Variants in VSIG4 observed in about 807,000 individuals in gnomAD.
VSIG4 encodes V-set and immunoglobulin domain-containing protein 4.
VSIG4 carries 34 observed loss-of-function variants against 23.4 expected under a neutral mutation model. The ratio of observed to expected loss-of-function variants is 1.45; its 90% confidence interval spans 1.10 to 1.93. The LOEUF is 1.93. Ranked by LOEUF, VSIG4 falls within the 30% of genes most tolerant of loss-of-function variation. The pLI, the probability that VSIG4 is intolerant of heterozygous loss-of-function variation, is 0.00. For missense variants in VSIG4, 433 were observed against 310.8 expected (o/e 1.39, Z -2.96); for synonymous variants, 169 against 120.3 (o/e 1.41, Z -2.65).
chrX:66,028,008 T>C, intron 4 of VSIG4, 42 bp downstream of exon 4: 1 of 1,158,484 alleles, frequency 8.6e-7, no homozygotes, highest in Non-Finnish European at 1.2e-6. Context: ...GATGACACCA[T>C]TTTGAACCTC....
intron 1 of VSIG4, among the ~76,000 whole-genome samples, chrX:66,038,206 G>A (rs1368206736): frequency 9.0e-6 from 1 of 111,338 alleles, no homozygotes; most frequent in African/African-American, 3.3e-5. Flanking sequence ...GCTTACTCTG[G>A]CCGCTACAGG....
intron 6 of VSIG4, 56 bp from the exon 7 acceptor site, chrX:66,022,918 A>C: frequency 2.6e-6 from 3 of 1,151,036 alleles, no homozygotes; most frequent in Non-Finnish European, 3.6e-6. Context: ...GACAAAGGTC[A>C]ATCATGGATC....
Position 66,021,931 on chromosome X carries a change from T to A in VSIG4, c.*332A>T, listed in dbSNP as rs946222299. ...GGCAGAGCTGAGCCTCCCTCGGGTC[T>A]TCTGGTGGCAAGATGCCAAAGTTGA... On this transcript the variant is annotated 3_prime_UTR_variant, in exon 8 of 8. Coordinates refer to ENST00000374737, the MANE Select transcript of VSIG4 (RefSeq NM_007268.3). The A allele has an allele frequency of 1.3e-5, 8 of 616,557 alleles. No homozygotes were observed. The East Asian group carries it at 3.9e-4, about 30-fold the overall frequency. The allele number at this position is 616,557 out of a possible 1,213,427, so 50.8% of individuals were successfully genotyped here. A position where few individuals can be genotyped will look rare whatever the true frequency, so the allele number is the denominator to read the frequency against.
intron 6 of VSIG4, among the ~76,000 whole-genome samples, chrX:66,023,386 T>C (rs2147653326): frequency 8.9e-6 from 1 of 111,947 alleles, no homozygotes; most frequent in Non-Finnish European, 1.9e-5. Context: ...TGTCCTATAT[T>C]CCGTACAGGC....
intron 1 of VSIG4, among the ~76,000 whole-genome samples, chrX:66,038,360 A>G (rs757927940): frequency 2.2e-4 from 24 of 110,337 alleles, no homozygotes; most frequent in African/African-American, 7.9e-4. Flanking sequence ...GCAGCTCAGC[A>G]TAACCTGAGC....
chrX:66,022,898 A>G (rs1470585601), intron 6 of VSIG4, 36 bp from the exon 7 acceptor site: 6 of 1,197,603 alleles, frequency 5.0e-6, no homozygotes, highest in Non-Finnish European at 5.7e-6. Context: ...AGAAGTTTTC[A>G]TGGCAAGTGG....
At chrX:66,034,317 G>A (rs1387272301) in intron 1 of VSIG4, among the ~76,000 whole-genome samples, 2 of 111,979 alleles carry the variant, frequency 1.8e-5, no homozygotes, top group African/African-American at 6.5e-5. Flanking sequence ...GAGAAAGGTG[G>A]AGGCTTTTGA....
intron 1 of VSIG4, among the ~76,000 whole-genome samples, chrX:66,035,549 T>C (rs866399324): frequency 9.0e-6 from 1 of 111,411 alleles, no homozygotes; most frequent in Non-Finnish European, 1.9e-5. Flanking sequence ...AGAAGTTATG[T>C]AATTATAGGT....
intron 7 of VSIG4, 45 bp from the exon 8 acceptor site, chrX:66,022,545 G>T: frequency 8.4e-7 from 1 of 1,193,784 alleles, no homozygotes; most frequent in South Asian, 1.8e-5. Context: ...ACTTGGGGCT[G>T]TGGTCCTGGT....
chrX:66,032,445 C>T (rs1313041293), intron 3 of VSIG4, 23 bp downstream of exon 3: 1 of 1,199,525 alleles, frequency 8.3e-7, no homozygotes, highest in Non-Finnish European at 1.1e-6. Flanking sequence ...TTAAGATGCT[C>T]ACCAGGAAAG....
rs148085028 is a variant in VSIG4 at position 66,023,282 on chromosome X, C to T, written c.941-420G>A. Among the ~76,000 whole-genome samples, 873 of 110,304 alleles carry T rather than the reference C, an allele frequency of 7.9e-3. 16 individuals carry two copies. The highest frequency in any genetic ancestry group is 0.027 in the African/African-American group (814 of 30,173). On this transcript the variant is annotated intron_variant, in intron 6 of 7. Coordinates refer to ENST00000374737, the MANE Select transcript of VSIG4 (RefSeq NM_007268.3). ...TTAGCCTGATGCTGATGGCCGTGAC[C>T]CAAGACATTCCCAAATGCACTCACC... is the stretch of plus-strand genomic sequence containing the variant.
intron 5 of VSIG4, among the ~76,000 whole-genome samples, chrX:66,026,654 G>T (rs1364049324): frequency 1.8e-5 from 2 of 112,265 alleles, no homozygotes; most frequent in African/African-American, 3.2e-5. Context: ...GCATTTGGAA[G>T]TCCACTCTCT....
At position 66,028,049 on chromosome X, in the gene VSIG4, C is replaced by G. The variant is rs2085413523; in HGVS notation, c.757+1G>C. The G allele has an allele frequency of 8.3e-7, 1 of 1,208,137 alleles. No homozygotes were observed. Among genetic ancestry groups the G allele is most frequent in the South Asian group, 1.8e-5 (1 of 56,772 alleles). ...CTTCCTCAGACTCTAGCAAAACTCA[C>G]CTTTCAAGGGGTATGTCATGGTTGT... On this transcript the variant is annotated splice_donor_variant, in intron 4 of 7. Transcript: ENST00000374737. LOFTEE classifies it high-confidence loss of function.
chrX:66,037,470 TATA>T (rs1290531966), intron 1 of VSIG4, among the ~76,000 whole-genome samples: 1 of 62,823 alleles, frequency 1.6e-5, no homozygotes, highest in Admixed American at 3.0e-4. Context: ...ATATAATATA[TATA>T]ATAATTATAT....
At chrX:66,025,741 G>GT (rs2085382664) in intron 5 of VSIG4, among the ~76,000 whole-genome samples, 1 of 112,213 alleles carries the variant, frequency 8.9e-6, no homozygotes, top group Admixed American at 9.5e-5. Context: ...GAACCTGTCA[G>GT]TATGTTAGTT....
At position 66,027,619 on chromosome X, in the gene VSIG4, G is replaced by A. The variant is rs781434692; in HGVS notation, c.758-93C>T. On this transcript the variant is annotated intron_variant, in intron 4 of 7. Coordinates refer to ENST00000374737, the MANE Select transcript of VSIG4 (RefSeq NM_007268.3). ...TTGCAAAGGTTGGAGTCCTTCCCTG[G>A]CCATTTGTGCTGTACTTTCCAGGGT... 2.2e-5 allele frequency: 15 copies of A among 684,603 alleles called. No homozygotes were observed. The East Asian group carries it at 4.6e-4, about 21-fold the overall frequency. The allele number at this position is 684,603 out of a possible 1,213,427, so 56.4% of individuals were successfully genotyped here.
At position 66,030,244 on chromosome X, in the gene VSIG4, T is replaced by A. The variant is rs983815423; in HGVS notation, c.695-2132A>T. On this transcript the variant is annotated intron_variant, in intron 3 of 7. Transcript: ENST00000374737. ...TGGGATTTGGTGATATGGAGGTTAA[T>A]GATGACCCCAAATTACAAAGTTATG... Among the ~76,000 whole-genome samples, 3 of 111,161 alleles carry A rather than the reference T, an allele frequency of 2.7e-5. No homozygotes were observed. In the East Asian group the frequency reaches 8.5e-4, roughly 31 times the overall value.
Position 66,028,558 on chromosome X carries a change from C to CTTTTTTTTTTTTTT in VSIG4, c.695-460_695-447dup, listed in dbSNP as rs34660062. Among the ~76,000 whole-genome samples the CTTTTTTTTTTTTTT allele has an allele frequency of 2.7e-5, 2 of 74,254 alleles. 1 individual carries two copies. The highest frequency in any genetic ancestry group is 5.2e-5 in the Non-Finnish European group (2 of 38,580). 64.5% of individuals were successfully genotyped at this position (74,254 alleles called of 115,157 possible). A position where few individuals can be genotyped will look rare whatever the true frequency, so the allele number is the denominator to read the frequency against. The stretch of plus-strand genomic sequence containing the variant: ...ATAATGCAAAATTTGACGTAATCAA[C>CTTTTTTTTTTTTTT]TTTTTTTTTTTTTTTTTTTTTTTTT... On this transcript the variant is annotated intron_variant, in intron 3 of 7. Coordinates refer to ENST00000374737, the MANE Select transcript of VSIG4 (RefSeq NM_007268.3).
intron 3 of VSIG4, among the ~76,000 whole-genome samples, chrX:66,031,224 G>A (rs1338181781): frequency 1.8e-5 from 2 of 111,490 alleles, no homozygotes; most frequent in Non-Finnish European, 3.8e-5. Context: ...GGTCTGAGAA[G>A]TAACTCACAG....
Sources: allele counts gnomAD v4.1 joint callset (sites outside exome capture counted in the v4.1 genomes callset), GRCh38; gene constraint gnomAD v4.1.1; transcripts MANE v1.5; gene names NCBI Gene and HGNC (gene_info 2026-07-23, HGNC 2026-07-21).